RBFOX1: variants seen among roughly 807,000 people sequenced by gnomAD.
RBFOX1 encodes the protein RNA binding protein fox-1 homolog 1.
Under a neutral mutation model 57.7 loss-of-function variants are expected in RBFOX1, and 8 were observed. The ratio of observed to expected loss-of-function variants is 0.14; its 90% CI spans 0.08 to 0.25. The LOEUF (loss-of-function observed/expected upper bound fraction) is 0.25, where lower values mean the gene tolerates loss of function less well. Ranked by LOEUF, RBFOX1 falls within the 10% of genes least tolerant of loss-of-function variation. The pLI is 1.00. For synonymous variants in RBFOX1, 326 were observed against 222.4 expected, an observed-to-expected ratio of 1.47 and a Z score of -4.15; for missense variants, 611 against 548.5, an observed-to-expected ratio of 1.11 and a Z score of -1.14.
In RBFOX1 at chr16:6,644,931, A is replaced by T. The variant is rs78256886; in HGVS notation, c.-63-9672A>T. Among the ~76,000 whole-genome samples the T allele has an allele frequency of 2.6e-5, 4 of 152,158 alleles. No homozygotes were observed. The East Asian group carries it at 7.7e-4, about 29-fold the overall frequency. Reference sequence around the variant, plus strand: ...CCTTGATCCTCTGTATTTATTTTCTATGACTTCCGTAGCAAATCATCACAA... The same window carrying T: ...CCTTGATCCTCTGTATTTATTTTCTTTGACTTCCGTAGCAAATCATCACAA... On this transcript the variant is annotated intron_variant, in intron 2 of 15. Transcript: ENST00000550418.
intron 3 of RBFOX1, among the ~76,000 whole-genome samples, chr16:6,767,974 G>T (rs1292811547): frequency 1.4e-5 from 2 of 144,578 alleles, no homozygotes; most frequent in African/African-American, 2.6e-5. Context: ...AGAAGAAGAA[G>T]AAGAAGAAGA....
intron 4 of RBFOX1, among the ~76,000 whole-genome samples, chr16:7,055,105 A>T (rs965269010): frequency 2.6e-5 from 4 of 152,174 alleles, no homozygotes; most frequent in Non-Finnish European, 5.9e-5. Context: ...TCATATGATT[A>T]ATTTTAGGAA....
At chr16:5,828,778 T>C (rs546890428) in intron 3 of RBFOX1, among the ~76,000 whole-genome samples, 8 of 152,248 alleles carry the variant, frequency 5.3e-5, no homozygotes, top group South Asian at 4.2e-4. Context: ...TGTGGAGTGC[T>C]GGGCAAGGAA....
intron 4 of RBFOX1, among the ~76,000 whole-genome samples, chr16:7,154,991 A>G (rs926305656): frequency 3.3e-5 from 5 of 152,092 alleles, no homozygotes; most frequent in Admixed American, 6.6e-5. Flanking sequence ...TTTGACTTGA[A>G]TTAGGTAGAT....
At chr16:5,971,060 G>C (rs2059951818) in intron 4 of RBFOX1, among the ~76,000 whole-genome samples, 1 of 152,218 alleles carries the variant, frequency 6.6e-6, no homozygotes, top group Non-Finnish European at 1.5e-5. Context: ...TGACATGACA[G>C]TGTTCCTGTC....
In RBFOX1 at chr16:5,876,475, C is replaced by G. The variant is rs57067193; in HGVS notation, c.351+9140C>G. On this transcript the variant is annotated intron_variant, in intron 4 of 19. Transcript: ENST00000641259. ...GTGCTTAGAAAGTGAAGTCAGGAGT[C>G]ACCTCCAGTCTCTTAGAGGCAAAGG... 4.9e-3 allele frequency among the ~76,000 whole-genome samples: 741 copies of G among 152,246 alleles called. 38 individuals are homozygous for G. In the East Asian group the frequency reaches 0.12, roughly 25 times the overall value.
chr16:7,686,006 C>CCTCAA (rs2075984171), intron 14 of RBFOX1, among the ~76,000 whole-genome samples: 2 of 151,964 alleles, frequency 1.3e-5, no homozygotes, highest in African/African-American at 4.8e-5. Context: ...GCTAGTTGAC[C>CCTCAA]CTCAACTGCC....
At chr16:7,320,736 C>T (rs1435457956) in intron 4 of RBFOX1, among the ~76,000 whole-genome samples, 1 of 152,188 alleles carries the variant, frequency 6.6e-6, no homozygotes, top group Non-Finnish European at 1.5e-5. Context: ...TTGTAAGAAA[C>T]ACCATGAATA....
At chr16:5,525,728 C>G (rs1213850556) in intron 2 of RBFOX1, among the ~76,000 whole-genome samples, 1 of 152,022 alleles carries the variant, frequency 6.6e-6, no homozygotes, top group Non-Finnish European at 1.5e-5. Context: ...GAACTCCTGA[C>G]CTCAGGTGAT....
chr16:7,597,853 AGATTAGTCATTT>A (rs1337354821), intron 9 of RBFOX1, among the ~76,000 whole-genome samples: 16 of 152,146 alleles, frequency 1.1e-4, no homozygotes, highest in African/African-American at 3.4e-4. Flanking sequence ...TTCTCCAGAG[AGATTAGTCATTT>A]GAAGTGGTTT....
intron 1 of RBFOX1, among the ~76,000 whole-genome samples, chr16:6,310,089 T>C (rs8049555): frequency 0.095 from 14,414 of 152,192 alleles, 737 homozygotes; most frequent in African/African-American, 0.13. Flanking sequence ...GGTTTCACCA[T>C]ATTGGTCAGG....
Position 7,144,417 on chromosome 16 carries a change from C to CTTCTTTTTTTTTT in RBFOX1, c.27+92321_27+92322insCTTTTTTTTTTTT, listed in dbSNP as rs3046798. Among the ~76,000 whole-genome samples the CTTCTTTTTTTTTT allele has an allele frequency of 2.3e-3, 156 of 66,932 alleles. 3 individuals are homozygous for CTTCTTTTTTTTTT. Among genetic ancestry groups the CTTCTTTTTTTTTT allele is most frequent in the Non-Finnish European group, 2.9e-3 (110 of 38,218 alleles). The allele number at this position is 66,932 out of a possible 152,430, so 43.9% of individuals were successfully genotyped here. On this transcript the variant is annotated intron_variant, in intron 4 of 15. Transcript: ENST00000550418. ...TCTTTTCTCTTTCTTTTTCTTTCTT[C>CTTCTTTTTTTTTT]TTTTTTTTTTTTTTTTTTTTTGAGT...
chr16:7,381,535 C>T (rs2097782331), intron 4 of RBFOX1, among the ~76,000 whole-genome samples: 1 of 151,362 alleles, frequency 6.6e-6, no homozygotes, highest in Non-Finnish European at 1.5e-5. Flanking sequence ...AACAGCTTCA[C>T]AGTGTTCTGT....
intron 3 of RBFOX1, among the ~76,000 whole-genome samples, chr16:6,940,428 T>A (rs1190879122): frequency 1.3e-5 from 2 of 152,206 alleles, no homozygotes; most frequent in African/African-American, 4.8e-5. Flanking sequence ...TCCTTTAATC[T>A]TCTCTCTGTC....
chr16:6,969,044 A>G (rs1208939698), intron 3 of RBFOX1, among the ~76,000 whole-genome samples: 1 of 152,100 alleles, frequency 6.6e-6, no homozygotes, highest in East Asian at 1.9e-4. Context: ...CCTGTAGTTA[A>G]TACAGTTCCC....
intron 3 of RBFOX1, among the ~76,000 whole-genome samples, chr16:5,693,332 T>C (rs908698260): frequency 6.7e-6 from 1 of 149,784 alleles, no homozygotes; most frequent in Non-Finnish European, 1.5e-5. Flanking sequence ...AGTTTACAAA[T>C]AGTATGACTA....
intron 3 of RBFOX1, among the ~76,000 whole-genome samples, chr16:5,818,384 C>T (rs190056604): frequency 6.6e-6 from 1 of 152,156 alleles, no homozygotes; most frequent in Non-Finnish European, 1.5e-5. Flanking sequence ...TGAGGGGATA[C>T]CATTGTGTCC....
intron 1 of RBFOX1, among the ~76,000 whole-genome samples, chr16:5,412,119 T>C (rs765269141): frequency 9.9e-5 from 15 of 151,856 alleles, no homozygotes; most frequent in Admixed American, 5.2e-4. Context: ...GAGACTGACA[T>C]GGCTTTTTCT....
intron 1 of RBFOX1, among the ~76,000 whole-genome samples, chr16:5,405,525 C>T (rs550655976): frequency 8.5e-4 from 129 of 152,224 alleles, no homozygotes; most frequent in African/African-American, 3.0e-3. Flanking sequence ...TATAAATTAC[C>T]CAGTCTCAGG....
Sources: gnomAD v4.1 joint callset for allele counts (sites outside exome capture counted in the v4.1 genomes callset) on GRCh38, gnomAD v4.1.1 for gene constraint, MANE v1.5 for transcripts, NCBI Gene and HGNC (gene_info 2026-07-23, HGNC 2026-07-21) for gene names.